CNTN5: variants seen among roughly 807,000 people sequenced by gnomAD.
CNTN5 encodes the protein contactin 5.
In CNTN5, 77 loss-of-function variants were observed where a neutral mutation model predicts 129.1. The ratio of observed to expected loss-of-function variants is 0.60; its 90% CI spans 0.50 to 0.72. The LOEUF (loss-of-function observed/expected upper bound fraction) is 0.72. CNTN5 is among the 30% of genes least tolerant of loss of function. The probability of loss-of-function intolerance (pLI) is 0.00; values close to 1 mark genes in which losing one functional copy is unlikely to be tolerated. For synonymous variants in CNTN5, 509 were observed against 465.6 expected (o/e 1.09, Z -1.20); for missense variants, 1,478 against 1,328.8 (o/e 1.11, Z -1.75).
At chr11:100,037,104 T>A (rs2137650118) in intron 9 of CNTN5, among the ~76,000 whole-genome samples, 1 of 151,940 alleles carries the variant, frequency 6.6e-6, no homozygotes, top group Admixed American at 6.6e-5. Flanking sequence ...TGGCTGTGGG[T>A]TTGTCATGGA....
chr11:99,893,283 AAAG>A (rs368049246), intron 6 of CNTN5, among the ~76,000 whole-genome samples: 214 of 152,274 alleles, frequency 1.4e-3, no homozygotes, highest in African/African-American at 5.1e-3. Context: ...ACACCCTAAA[AAAG>A]CACATGTTCT....
At chr11:99,655,748 GATGT>G (rs1225549758) in intron 3 of CNTN5, among the ~76,000 whole-genome samples, 1 of 151,884 alleles carries the variant, frequency 6.6e-6, no homozygotes, top group Admixed American at 6.6e-5. Context: ...CACACACATA[GATGT>G]ATATACGCAC....
intron 2 of CNTN5, among the ~76,000 whole-genome samples, chr11:99,374,008 C>A (rs1225022486): frequency 6.6e-6 from 1 of 152,090 alleles, no homozygotes; most frequent in African/African-American, 2.4e-5. Flanking sequence ...AACTATCAGT[C>A]ATATAATCCA....
intron 1 of CNTN5, among the ~76,000 whole-genome samples, chr11:99,289,972 C>T (rs750094162): frequency 2.9e-4 from 44 of 151,698 alleles, no homozygotes; most frequent in Non-Finnish European, 4.4e-4. Flanking sequence ...AATACAAATG[C>T]TTCTCTAATA....
intron 8 of CNTN5, among the ~76,000 whole-genome samples, chr11:99,970,745 T>C (rs767651427): frequency 6.6e-6 from 1 of 152,200 alleles, no homozygotes; most frequent in Non-Finnish European, 1.5e-5. Flanking sequence ...GTTTTTGTCA[T>C]TGCTGTTGTT....
chr11:100,148,085 C>T (rs917452941), intron 13 of CNTN5, among the ~76,000 whole-genome samples: 15 of 152,264 alleles, frequency 9.9e-5, no homozygotes, highest in African/African-American at 3.4e-4. Flanking sequence ...TACTTGTTCA[C>T]AGGCTCTAGC....
At chr11:100,164,217 C>CA (rs147472476) in intron 13 of CNTN5, among the ~76,000 whole-genome samples, 2 of 151,500 alleles carry the variant, frequency 1.3e-5, no homozygotes, top group Non-Finnish European at 3.0e-5. Flanking sequence ...CAATCAAAGG[C>CA]AAAAAAATCT....
chr11:100,264,518 G>A (rs1267709456), intron 17 of CNTN5, among the ~76,000 whole-genome samples: 6 of 152,124 alleles, frequency 3.9e-5, no homozygotes, highest in African/African-American at 1.4e-4. Flanking sequence ...TGTCGAGGAT[G>A]ATGGCTTCCA....
chr11:99,034,094 C>G (rs1195153648), intron 1 of CNTN5, among the ~76,000 whole-genome samples: 1 of 152,160 alleles, frequency 6.6e-6, no homozygotes, highest in Non-Finnish European at 1.5e-5. Flanking sequence ...TATATTCAAC[C>G]AGCCTTGCAT....
intron 3 of CNTN5, among the ~76,000 whole-genome samples, chr11:99,693,526 G>A (rs920294060): frequency 2.0e-5 from 3 of 151,906 alleles, no homozygotes. Context: ...ATGACAAGCA[G>A]AGGGCACACA....
chr11:100,148,897 A>C (rs182127211), intron 13 of CNTN5, among the ~76,000 whole-genome samples: 1 of 152,250 alleles, frequency 6.6e-6, no homozygotes, highest in Non-Finnish European at 1.5e-5. Flanking sequence ...GAGCTAACAA[A>C]AAAAAAAGAA....
At chr11:99,950,229 A>G (rs1195819579) in intron 7 of CNTN5, among the ~76,000 whole-genome samples, 1 of 152,222 alleles carries the variant, frequency 6.6e-6, no homozygotes, top group Non-Finnish European at 1.5e-5. Flanking sequence ...CTGTAATCCC[A>G]GCATTTTGGA....
intron 1 of CNTN5, among the ~76,000 whole-genome samples, chr11:99,159,285 T>G (rs897252054): frequency 6.6e-6 from 1 of 152,200 alleles, no homozygotes; most frequent in African/African-American, 2.4e-5. Context: ...ACACATTTTA[T>G]CAATTTCAAA....
chr11:100,249,819 A>C (rs889465922), intron 16 of CNTN5, among the ~76,000 whole-genome samples: 2 of 152,226 alleles, frequency 1.3e-5, no homozygotes, highest in Non-Finnish European at 2.9e-5. Context: ...CTATATCAAT[A>C]GGTTGATGTA....
In CNTN5 at chr11:99,630,247, CATATAT is replaced by C. The variant is rs201091704; in HGVS notation, c.55+73995_55+74000del. On this transcript the variant is annotated intron_variant, in intron 3 of 24. Coordinates refer to ENST00000524871, the MANE Select transcript of CNTN5 (RefSeq NM_014361.4). ...GCTTATGGATGTGTGTGTGTATATA[CATATAT>C]ATATATATATATATATGTATATACA... Among the ~76,000 whole-genome samples the C allele has an allele frequency of 4.0e-3, 607 of 151,098 alleles. 6 individuals carry two copies. Among genetic ancestry groups the C allele is most frequent in the African/African-American group, 0.013 (523 of 40,942 alleles).
intron 13 of CNTN5, among the ~76,000 whole-genome samples, chr11:100,154,158 A>C (rs576234522): frequency 6.6e-6 from 1 of 152,056 alleles, no homozygotes; most frequent in East Asian, 1.9e-4. Context: ...CTTTGTGTCC[A>C]TGTGTTCTCA....
intron 1 of CNTN5, among the ~76,000 whole-genome samples, chr11:99,250,720 AAGT>A (rs1370220278): frequency 6.6e-6 from 1 of 151,858 alleles, no homozygotes; most frequent in African/African-American, 2.4e-5. Flanking sequence ...TTATAGTGGC[AAGT>A]ACTATCATGT....
At chr11:99,594,834 G>C (rs1950078985) in intron 3 of CNTN5, among the ~76,000 whole-genome samples, 1 of 152,244 alleles carries the variant, frequency 6.6e-6, no homozygotes, top group Admixed American at 6.5e-5. Flanking sequence ...AGACCCTGGT[G>C]TGGTAATCCT....
At chr11:99,047,064 T>C (rs1864240714) in intron 1 of CNTN5, among the ~76,000 whole-genome samples, 1 of 151,988 alleles carries the variant, frequency 6.6e-6, no homozygotes. Flanking sequence ...CATCTATCTT[T>C]TTAACATGTT....
Sources: allele counts gnomAD v4.1 joint callset (sites outside exome capture counted in the v4.1 genomes callset), GRCh38; gene constraint gnomAD v4.1.1; transcripts MANE v1.5; gene names NCBI Gene and HGNC (gene_info 2026-07-23, HGNC 2026-07-21).